THRB: variants seen among roughly 807,000 people sequenced by gnomAD.
THRB encodes the protein nuclear receptor subfamily 1 group A member 2.
THRB carries 12 observed loss-of-function variants against 47.8 expected under a neutral mutation model. The observed-to-expected ratio is 0.25, with a 90% CI of 0.16 to 0.41. The LOEUF is 0.41. Ranked by LOEUF, THRB falls within the 10% of genes least tolerant of loss-of-function variation. The pLI is 1.00. For missense variants in THRB, 348 were observed against 589.2 expected (o/e 0.59, Z 4.24); for synonymous variants, 218 against 212.2 (o/e 1.03, Z -0.24).
At chr3:24,216,461 A>T (rs749217681) in intron 4 of THRB, among the ~76,000 whole-genome samples, 1 of 152,162 alleles carries the variant, frequency 6.6e-6, no homozygotes, top group Non-Finnish European at 1.5e-5. Context: ...ACAAAAAATT[A>T]GCCGGGCGTG....
intron 3 of THRB, among the ~76,000 whole-genome samples, chr3:24,281,530 C>T (rs1056088272): frequency 1.1e-4 from 16 of 150,596 alleles, no homozygotes; most frequent in African/African-American, 2.4e-4. Context: ...CATCAACTAA[C>T]GAGCAAAATC....
chr3:24,233,591 G>GAA (rs778060727), intron 3 of THRB, among the ~76,000 whole-genome samples: 2 of 69,314 alleles, frequency 2.9e-5, no homozygotes, highest in Non-Finnish European at 4.5e-5. Context: ...AAGAAAGAAA[G>GAA]AAAGAAAGAA....
chr3:24,492,141 T>C (rs1419780548), intron 1 of THRB, among the ~76,000 whole-genome samples: 2 of 152,210 alleles, frequency 1.3e-5, no homozygotes, highest in Non-Finnish European at 2.9e-5. Context: ...GAGAACATAA[T>C]ATTTGGACAC....
intron 8 of THRB, among the ~76,000 whole-genome samples, chr3:24,134,269 G>A (rs915846134): frequency 3.3e-5 from 5 of 152,008 alleles, no homozygotes; most frequent in Non-Finnish European, 5.9e-5. Context: ...GCTTCCCAAC[G>A]TCCACAGTAG....
chr3:24,322,740 C>G (rs529460702), intron 2 of THRB, among the ~76,000 whole-genome samples: 1 of 152,322 alleles, frequency 6.6e-6, no homozygotes, highest in African/African-American at 2.4e-5. Flanking sequence ...GATCCTTCTA[C>G]TGGAAGTCAT....
chr3:24,204,715 A>C (rs947161133), intron 4 of THRB, among the ~76,000 whole-genome samples: 1 of 152,224 alleles, frequency 6.6e-6, no homozygotes, highest in Non-Finnish European at 1.5e-5. Flanking sequence ...GAGCTAAAGG[A>C]GGAAATTTGA....
At chr3:24,474,536 C>G (rs1163083399) in intron 1 of THRB, among the ~76,000 whole-genome samples, 1 of 152,170 alleles carries the variant, frequency 6.6e-6, no homozygotes, top group African/African-American at 2.4e-5. Flanking sequence ...TATTTGCCAT[C>G]CTAGGCTTTG....
At chr3:24,222,841 C>G (rs1313389380) in intron 4 of THRB, among the ~76,000 whole-genome samples, 1 of 152,154 alleles carries the variant, frequency 6.6e-6, no homozygotes, top group South Asian at 2.1e-4. Flanking sequence ...TTCTGCCAAA[C>G]TATTCATGGC....
At chr3:24,430,497 C>T (rs193055860) in intron 1 of THRB, among the ~76,000 whole-genome samples, 4 of 151,982 alleles carry the variant, frequency 2.6e-5, no homozygotes, top group East Asian at 1.9e-4. Flanking sequence ...TATGCTTAAA[C>T]GTAAAGACAA....
At chr3:24,411,765 G>C (rs2068321352) in intron 1 of THRB, among the ~76,000 whole-genome samples, 1 of 151,692 alleles carries the variant, frequency 6.6e-6, no homozygotes, top group South Asian at 2.1e-4. Context: ...CTGGAAACTA[G>C]TGGGGGATGT....
At chr3:24,233,141 T>C (rs2048419672) in intron 3 of THRB, among the ~76,000 whole-genome samples, 1 of 152,180 alleles carries the variant, frequency 6.6e-6, no homozygotes, top group South Asian at 2.1e-4. Flanking sequence ...AAAGTGTGTT[T>C]GTATTTTAAA....
intron 3 of THRB, among the ~76,000 whole-genome samples, chr3:24,238,480 T>C (rs1323157854): frequency 6.6e-6 from 1 of 152,128 alleles, no homozygotes; most frequent in Non-Finnish European, 1.5e-5. Flanking sequence ...ACATTAAGAC[T>C]GCAGCAAATG....
chr3:24,436,309 A>C lies in THRB; in HGVS notation c.-261+58343T>G, dbSNP rs542870771. Among the ~76,000 whole-genome samples the C allele has an allele frequency of 7.9e-5, 12 of 152,256 alleles. 1 individual carries two copies. The South Asian group carries it at 2.3e-3, about 29-fold the overall frequency. On this transcript the variant is annotated intron_variant, in intron 1 of 10. Transcript: ENST00000646209. ...GGAAAGCCCAGCACTGTAAGGGAACATAAGAACTACATACACCACTCTACA... is the reference window on the plus strand; with the variant it reads ...GGAAAGCCCAGCACTGTAAGGGAACCTAAGAACTACATACACCACTCTACA...
chr3:24,455,856 A>G (rs1226308579), intron 1 of THRB, among the ~76,000 whole-genome samples: 2 of 152,202 alleles, frequency 1.3e-5, no homozygotes, highest in African/African-American at 4.8e-5. Flanking sequence ...GTGTTGGTTT[A>G]GGTGGGCTGG....
chr3:24,385,168 A>G (rs1210492090), intron 1 of THRB, among the ~76,000 whole-genome samples: 1 of 152,124 alleles, frequency 6.6e-6, no homozygotes, highest in Non-Finnish European at 1.5e-5. Context: ...AATGTTTTGC[A>G]GATGTCCTAA....
At chr3:24,416,119 G>T (rs2150229549) in intron 1 of THRB, among the ~76,000 whole-genome samples, 1 of 151,918 alleles carries the variant, frequency 6.6e-6, no homozygotes, top group Non-Finnish European at 1.5e-5. Flanking sequence ...CAAATAAAAA[G>T]TATGTTAATA....
At chr3:24,361,691 C>A (rs996135204) in intron 1 of THRB, among the ~76,000 whole-genome samples, 2 of 152,172 alleles carry the variant, frequency 1.3e-5, no homozygotes, top group African/African-American at 4.8e-5. Context: ...CTGGTTTCTT[C>A]ACCACTAGTG....
At chr3:24,265,665 T>G (rs2052577959) in intron 3 of THRB, among the ~76,000 whole-genome samples, 1 of 152,214 alleles carries the variant, frequency 6.6e-6, no homozygotes, top group African/African-American at 2.4e-5. Flanking sequence ...AGGAAATACA[T>G]CCTAAGATTT....
intron 1 of THRB, among the ~76,000 whole-genome samples, chr3:24,376,964 G>T (rs546812688): frequency 1.3e-5 from 2 of 152,090 alleles, no homozygotes; most frequent in South Asian, 4.2e-4. Context: ...TTGAGACAGG[G>T]TCTCACTCTG....
Sources: allele counts gnomAD v4.1 joint callset (sites outside exome capture counted in the v4.1 genomes callset), GRCh38; gene constraint gnomAD v4.1.1; transcripts MANE v1.5; gene names NCBI Gene and HGNC (gene_info 2026-07-23, HGNC 2026-07-21).